The following JADE2 variants were observed in gnomAD, a reference collection of about 807,000 sequenced individuals.
JADE2 encodes the protein E3 ubiquitin-protein ligase Jade-2.
In JADE2, 13 loss-of-function variants were observed where a neutral mutation model predicts 85.7. That is an observed-to-expected ratio of 0.15 (90% confidence interval 0.10 to 0.24). The LOEUF (loss-of-function observed/expected upper bound fraction) is 0.24, where lower values mean the gene tolerates loss of function less well. Ranked by LOEUF, JADE2 falls within the 10% of genes least tolerant of loss-of-function variation. The pLI, the probability that JADE2 is intolerant of heterozygous loss-of-function variation, is 1.00. For synonymous variants in JADE2, 440 were observed against 456.1 expected, an observed-to-expected ratio of 0.96 and a Z score of 0.45; for missense variants, 846 against 1,115.9, an observed-to-expected ratio of 0.76 and a Z score of 3.45.
At chr5:134,538,688 CCTT>C (rs1761755551) in intron 3 of JADE2, among the ~76,000 whole-genome samples, 1 of 152,136 alleles carries the variant, frequency 6.6e-6, no homozygotes, top group Non-Finnish European at 1.5e-5. Flanking sequence ...CCTGGACCCT[CCTT>C]CTGGGGTCCC....
chr5:134,540,412 T>G (rs577564895), intron 3 of JADE2, among the ~76,000 whole-genome samples: 77 of 151,474 alleles, frequency 5.1e-4, no homozygotes, highest in African/African-American at 1.8e-3. Flanking sequence ...TTTTTTTTTT[T>G]CAGTAGAGAC....
At chr5:134,553,360 T>TTC (rs1762713271) in intron 4 of JADE2, among the ~76,000 whole-genome samples, 1 of 43,476 alleles carries the variant, frequency 2.3e-5, no homozygotes. Context: ...TTTTATTCTT[T>TTC]TCTTTTTTTT....
At position 134,573,683 on chromosome 5, in the gene JADE2, A is replaced by T; in HGVS notation, c.1473A>T (p.Arg491Ser). 6.2e-7 allele frequency: 1 copy of T among 1,613,900 alleles called. No homozygotes were observed. The highest frequency in any genetic ancestry group is 8.5e-7 in the Non-Finnish European group (1 of 1,179,778). Residue 491 changes from arginine to serine, a missense_variant, in exon 10 of 12, where the codon AGA becomes AGT. By Grantham distance (110) the Arg-to-Ser change is moderately radical (BLOSUM62 -1). Coordinates refer to ENST00000681547, the MANE Select transcript of JADE2 (RefSeq NM_001388185.1). The stretch of plus-strand genomic sequence containing the variant: ...GCTACATGGTGACAAGGCGCGAGAG[A>T]ACGAAACACGCCATCTGCAAACTCC... ...NLCYMVTRRE[R>S]TKHAICKLQE...
At chr5:134,549,525 C>T (rs530807636) in intron 3 of JADE2, among the ~76,000 whole-genome samples, 49 of 152,054 alleles carry the variant, frequency 3.2e-4, no homozygotes, top group Non-Finnish European at 6.0e-4. Flanking sequence ...GGCAAGGTGG[C>T]GGGCACCTGT....
intron 3 of JADE2, among the ~76,000 whole-genome samples, chr5:134,546,637 C>A (rs539540016): frequency 6.6e-6 from 1 of 151,556 alleles, no homozygotes; most frequent in African/African-American, 2.4e-5. Context: ...GCGCGGTGGC[C>A]GGTGCCTGTA....
chr5:134,525,891 C>T lies in JADE2; in HGVS notation c.-121C>T, dbSNP rs1760776562. The T allele has an allele frequency of 1.0e-6, 1 of 985,592 alleles. No homozygotes were observed. Among genetic ancestry groups the T allele is most frequent in the Non-Finnish European group, 1.2e-6 (1 of 830,158 alleles). The allele number at this position is 985,592 out of a possible 1,614,324, so 61.1% of individuals were successfully genotyped here. On this transcript the variant is annotated 5_prime_UTR_variant, in exon 1 of 12. Coordinates refer to ENST00000681547, the MANE Select transcript of JADE2 (RefSeq NM_001388185.1). ...CGCCGCGACCCCGGATGGATGCGCG[C>T]CCCCCGCCCTCCCGCGCCGGCCCCA...
chr5:134,573,571 G>T, intron 9 of JADE2, 74 bp from the exon 10 acceptor site: 4 of 1,029,574 alleles, frequency 3.9e-6, no homozygotes, highest in Non-Finnish European at 6.2e-6. Flanking sequence ...TCCACCCATA[G>T]CAAGGTCCCC....
intron 3 of JADE2, among the ~76,000 whole-genome samples, chr5:134,542,398 C>T (rs1436832483): frequency 6.8e-6 from 1 of 147,122 alleles, no homozygotes; most frequent in African/African-American, 2.5e-5. Context: ...GGTATTCTGA[C>T]TTACATGGTC....
In JADE2 at chr5:134,582,220, CAA is replaced by C. The variant is rs1764745576; in HGVS notation, c.*2905_*2906del. 1 of 152,162 alleles carries C rather than the reference CAA, an allele frequency of 6.6e-6. No individual in the cohort carries two copies. The highest frequency in any genetic ancestry group is 2.1e-4 in the South Asian group (1 of 4,822). The allele number at this position is 152,162 out of a possible 1,614,324, so 9.4% of individuals were successfully genotyped here. On this transcript the variant is annotated 3_prime_UTR_variant, in exon 12 of 12. Coordinates refer to ENST00000681547, the MANE Select transcript of JADE2 (RefSeq NM_001388185.1). The stretch of plus-strand genomic sequence containing the variant: ...TATGTATCATAAATGTATTTTGAAA[CAA>C]ATGAGAAGAAGAAAGGTAGAAGGGT...
At chr5:134,529,828 G>T (rs1336387612) in intron 1 of JADE2, among the ~76,000 whole-genome samples, 1 of 152,236 alleles carries the variant, frequency 6.6e-6, no homozygotes, top group Non-Finnish European at 1.5e-5. Context: ...AGGGTGAGAA[G>T]GTTCTGAAGA....
chr5:134,566,462 C>A lies in JADE2; in HGVS notation c.1316C>A (p.Ala439Asp), dbSNP rs369973803. 7.4e-6 allele frequency: 12 copies of A among 1,613,202 alleles called. No homozygotes were observed. The highest frequency in any genetic ancestry group is 9.3e-6 in the Non-Finnish European group (11 of 1,179,778). ...TGGAAGCTGAAGAGGAAAGCCAATG[C>A]CAACCAGCCGCTGCTGACCCCCAAG... ...QYWKLKRKAN[A>D]NQPLLTPKTD... Residue 439 changes from alanine (A) to aspartate (D), a missense_variant, in exon 9 of 12, where the codon GCC becomes GAC. By Grantham distance (126) the Ala-to-Asp change is moderately radical. Coordinates refer to ENST00000681547, the MANE Select transcript of JADE2 (RefSeq NM_001388185.1). This position sits in a 1 kb window ranked among gnomAD's most constrained non-coding sequence, Gnocchi z 6.7.
intron 4 of JADE2, among the ~76,000 whole-genome samples, chr5:134,559,090 C>G (rs1763165541): frequency 6.6e-6 from 1 of 152,138 alleles, no homozygotes; most frequent in Non-Finnish European, 1.5e-5. Context: ...GGTCCTGGGG[C>G]CGGGTAACAC....
At chr5:134,539,222 C>T (rs912326496) in intron 3 of JADE2, among the ~76,000 whole-genome samples, 14 of 152,078 alleles carry the variant, frequency 9.2e-5, no homozygotes, top group East Asian at 3.9e-4. Context: ...CCACCACACC[C>T]GGCTAATTTT....
chr5:134,556,363 G>T (rs1455100563), intron 4 of JADE2, among the ~76,000 whole-genome samples: 1 of 152,120 alleles, frequency 6.6e-6, no homozygotes, highest in Non-Finnish European at 1.5e-5. Context: ...CTGAGGCAAA[G>T]TGCCCCCTAT....
Position 134,564,476 on chromosome 5 carries a change from C to T in JADE2, c.853-18C>T. 1 of 1,535,366 alleles carries T rather than the reference C, an allele frequency of 6.5e-7. No homozygotes were observed. Among genetic ancestry groups the T allele is most frequent in the Non-Finnish European group, 8.8e-7 (1 of 1,129,950 alleles). On this transcript the variant is annotated intron_variant, in intron 7 of 11. Transcript: ENST00000681547. ...CTGGGGATGAGAGGAATGATGCAGC[C>T]CCCTGTGTCCTGCCCAGGTCAGCAT...
rs753055946 is a variant in JADE2, at chr5:134,566,406, T to C, written c.1260T>C (p.Ala420=). ...PAEVAERLDL[A]EALVDFIYQY... Reference sequence around the variant, plus strand: ...AGGTGGCTGAGCGGCTGGACCTGGCTGAGGCACTGGTCGACTTCATCTACC... The same window carrying C: ...AGGTGGCTGAGCGGCTGGACCTGGCCGAGGCACTGGTCGACTTCATCTACC... Residue 420 remains alanine, a synonymous_variant, in exon 9 of 12, where the codon GCT becomes GCC. Coordinates refer to ENST00000681547, the MANE Select transcript of JADE2 (RefSeq NM_001388185.1). This position sits in a 1 kb window ranked among gnomAD's most constrained non-coding sequence, Gnocchi z 6.7. 9.3e-6 allele frequency: 15 copies of C among 1,613,906 alleles called. No homozygotes were observed. The highest frequency in any genetic ancestry group is 1.3e-5 in the Non-Finnish European group (15 of 1,179,972).
intron 3 of JADE2, among the ~76,000 whole-genome samples, chr5:134,539,305 C>T (rs968950731): frequency 6.6e-6 from 1 of 152,092 alleles, no homozygotes; most frequent in East Asian, 1.9e-4. Flanking sequence ...CCTTGTGATC[C>T]GCCCGCCTTG....
In JADE2 at chr5:134,579,293, C is replaced by T; in HGVS notation, c.2481C>T (p.Val827=). The T allele has an allele frequency of 6.2e-7, 1 of 1,609,774 alleles. No homozygotes were observed. Among genetic ancestry groups the T allele is most frequent in the South Asian group, 1.1e-5 (1 of 90,600 alleles). The change falls in exon 12 of 12, where the codon GTC becomes GTT. Residue 827 remains valine (V), a synonymous_variant. Transcript: ENST00000681547. The surrounding 1 kb of genome is among the most constrained non-coding windows in gnomAD (Gnocchi z 4.6). ...GGGAGGCAGGGGCAGAGGAGGTGGT[C>T]CGCATGGGCGTACTGGCCTCCTAAC... is the stretch of plus-strand genomic sequence containing the variant. ...GPREAGAEEV[V]RMGVLAS
chr5:134,581,516 C>T lies in JADE2; in HGVS notation c.*2199C>T, dbSNP rs1194683986. On this transcript the variant is annotated 3_prime_UTR_variant, in exon 12 of 12. Coordinates refer to ENST00000681547, the MANE Select transcript of JADE2 (RefSeq NM_001388185.1). ...CAGCACTTGGCCCCTTGCCCCTTCA[C>T]ACCATCCTGGGGCAGGGGCTGGGCC... 32 of 152,664 alleles carry T rather than the reference C, an allele frequency of 2.1e-4. 1 individual carries two copies. Among genetic ancestry groups the T allele is most frequent in the Admixed American group, 2.6e-4 (4 of 15,308 alleles). The allele number at this position is 152,664 out of a possible 1,614,324, so 9.5% of individuals were successfully genotyped here.
Sources: gnomAD v4.1 joint callset for allele counts (sites outside exome capture counted in the v4.1 genomes callset) on GRCh38, gnomAD v4.1.1 for gene constraint, Gnocchi (gnomAD v3.1) non-coding constraint, MANE v1.5 for transcripts, NCBI Gene and HGNC (gene_info 2026-07-23, HGNC 2026-07-21) for gene names.